The following HMCN2 variants were observed in gnomAD, a reference collection of about 807,000 sequenced individuals.
HMCN2 encodes hemicentin 2.
HMCN2 carries 325 observed loss-of-function variants against 377.5 expected under a neutral mutation model. The observed-to-expected ratio is 0.86, with a 90% CI of 0.79 to 0.94. The LOEUF is 0.94. HMCN2 is among the 40% of genes least tolerant of loss of function. The pLI, the probability that HMCN2 is intolerant of heterozygous loss-of-function variation, is 0.00. For missense variants in HMCN2, 4,543 were observed against 4,725.3 expected (o/e 0.96, Z 1.13); for synonymous variants, 2,007 against 2,046.8 (o/e 0.98, Z 0.53).
chr9:130,292,589 T>G (rs1935344), intron 4 of HMCN2, among the ~76,000 whole-genome samples: 54,775 of 152,162 alleles, frequency 0.36, 11,959 homozygotes, highest in African/African-American at 0.63. Context: ...TTTACTGTTT[T>G]GAATTTTGCT....
At position 130,393,266 on chromosome 9, in the gene HMCN2, C is replaced by G; in HGVS notation, c.10191C>G (p.Ser3397Arg). The change falls in exon 67 of 98, where the codon AGC becomes AGG. Residue 3397 changes from serine (S) to arginine (R), a missense_variant. Around this residue, in one of 5 missense-constraint regions of HMCN2, gnomAD observed 1,073 missense variants for 1,319.5 expected, o/e 0.81. Transcript: ENST00000683500. The surrounding 1 kb of genome is among the most constrained non-coding windows in gnomAD (Gnocchi z 5.2). ...DAGIFTCVAA[S>R]PAGVADRNFT... ...GCATCTTCACCTGTGTGGCCGCAAG[C>G]CCAGCTGGCGTGGCGGACAGGAACT... 1.0e-6 allele frequency: 1 copy of G among 988,546 alleles called. No individual in the cohort carries two copies. Among genetic ancestry groups the G allele is most frequent in the Non-Finnish European group, 1.2e-6 (1 of 830,456 alleles). 61.2% of individuals were successfully genotyped at this position (988,546 alleles called of 1,614,324 possible).
intron 4 of HMCN2, among the ~76,000 whole-genome samples, chr9:130,288,187 C>A (rs1207974574): frequency 1.3e-5 from 2 of 152,158 alleles, no homozygotes; most frequent in Admixed American, 1.3e-4. Flanking sequence ...TTGATGGGGG[C>A]CACTCGCCCA....
chr9:130,395,439 C>T, intron 71 of HMCN2, 92 bp downstream of exon 71: 4 of 1,101,076 alleles, frequency 3.6e-6, no homozygotes, highest in Non-Finnish European at 4.7e-6. Context: ...GAGCGGGTGC[C>T]AAGGGCCCGC....
rs183308686 is a variant in HMCN2, at chr9:130,293,043, A to C, written c.613-1812A>C. On this transcript the variant is annotated intron_variant, in intron 4 of 97. Transcript: ENST00000683500. ...ATACCTACCTATCAATTTATCATCTATCTCTATCTGGAGAACTTATACTGA... is the reference window on the plus strand; with the variant it reads ...ATACCTACCTATCAATTTATCATCTCTCTCTATCTGGAGAACTTATACTGA... Among the ~76,000 whole-genome samples the C allele has an allele frequency of 3.1e-3, 468 of 152,036 alleles. 3 individuals carry two copies. Among genetic ancestry groups the C allele is most frequent in the Non-Finnish European group, 4.9e-3 (334 of 68,004 alleles).
chr9:130,418,206 G>A (rs1843793630), intron 85 of HMCN2, among the ~76,000 whole-genome samples: 1 of 152,192 alleles, frequency 6.6e-6, no homozygotes, highest in Non-Finnish European at 1.5e-5. Flanking sequence ...AGACTACCTA[G>A]CCACTAACAA....
chr9:130,274,346 G>A (rs977952762), intron 1 of HMCN2, among the ~76,000 whole-genome samples: 21 of 152,162 alleles, frequency 1.4e-4, no homozygotes, highest in African/African-American at 4.1e-4. Context: ...GTGAGCCACC[G>A]CGCCTGGCCA....
intron 85 of HMCN2, among the ~76,000 whole-genome samples, chr9:130,413,621 AG>A (rs1416963104): frequency 6.6e-6 from 1 of 152,184 alleles, no homozygotes; most frequent in East Asian, 1.9e-4. Flanking sequence ...TTGGGACCTG[AG>A]GAGCAGCATG....
At position 130,321,870 on chromosome 9, in the gene HMCN2, C is replaced by G. The variant is rs1479407248; in HGVS notation, c.2859C>G (p.Tyr953Ter). The G allele has an allele frequency of 1.3e-5, 2 of 151,998 alleles. No homozygotes were observed. Among genetic ancestry groups the G allele is most frequent in the African/African-American group, 4.8e-5 (2 of 41,368 alleles). 9.4% of individuals were successfully genotyped at this position (151,998 alleles called of 1,614,324 possible). The change falls in exon 19 of 98, where the codon TAC (tyrosine) becomes TAG (stop). Residue 953 changes from tyrosine to a stop codon, truncating the protein, a stop_gained. Transcript: ENST00000683500. LOFTEE classifies it high-confidence loss of function. ...DRALQEHAGR[Y>*]SCVATNTAGS... Reference sequence around the variant, plus strand: ...CATTGCAGGAGCACGCGGGGAGGTACAGCTGTGTGGCCACCAACACGGCCG... The same window carrying G: ...CATTGCAGGAGCACGCGGGGAGGTAGAGCTGTGTGGCCACCAACACGGCCG...
At chr9:130,291,555 T>C (rs1261825450) in intron 4 of HMCN2, among the ~76,000 whole-genome samples, 2 of 152,240 alleles carry the variant, frequency 1.3e-5, no homozygotes, top group African/African-American at 4.8e-5. Context: ...AAAAAATTAC[T>C]ATGAAGAATT....
intron 15 of HMCN2, among the ~76,000 whole-genome samples, chr9:130,313,454 C>T (rs1435606803): frequency 1.3e-5 from 2 of 152,248 alleles, no homozygotes; most frequent in African/African-American, 4.8e-5. Flanking sequence ...TGGTATTTGC[C>T]TGCATTATTT....
intron 11 of HMCN2, among the ~76,000 whole-genome samples, chr9:130,305,893 G>T (rs994617354): frequency 6.6e-6 from 1 of 152,294 alleles, no homozygotes; most frequent in East Asian, 1.9e-4. Flanking sequence ...CAGGGCTCCG[G>T]GTTGGGATTG....
chr9:130,355,391 G>T (rs1839972084), intron 32 of HMCN2, among the ~76,000 whole-genome samples: 1 of 152,210 alleles, frequency 6.6e-6, no homozygotes, highest in Admixed American at 6.5e-5. Context: ...AGCAGGGCGG[G>T]TGGGGCCTTC....
At chr9:130,427,925 C>T (rs958747555) in intron 92 of HMCN2, among the ~76,000 whole-genome samples, 1 of 152,222 alleles carries the variant, frequency 6.6e-6, no homozygotes, top group Non-Finnish European at 1.5e-5. Context: ...GCTCTCCCAA[C>T]ACTCAGCATC....
chr9:130,405,114 G>A lies in HMCN2; in HGVS notation c.12339+55G>A, dbSNP rs569002467. ...GGAATAATGGCTGAGACCCCTGTTT[G>A]TCATGCTCTGCGCTGAGCACTATGC... is the stretch of plus-strand genomic sequence containing the variant. On this transcript the variant is annotated intron_variant, in intron 81 of 97. Coordinates refer to ENST00000683500, the MANE Select transcript of HMCN2 (RefSeq NM_001291815.2). The A allele has an allele frequency of 4.6e-5, 54 of 1,184,312 alleles. 1 individual carries two copies. In the South Asian group the frequency reaches 7.2e-4, roughly 16 times the overall value. The allele number at this position is 1,184,312 out of a possible 1,614,324, so 73.4% of individuals were successfully genotyped here. A position where few individuals can be genotyped will look rare whatever the true frequency, so the allele number is the denominator to read the frequency against.
At chr9:130,404,838 C>T (rs948004404) in intron 80 of HMCN2, 31 bp from the exon 81 acceptor site, 9 of 1,200,698 alleles carry the variant, frequency 7.5e-6, no homozygotes, top group African/African-American at 1.6e-5. Flanking sequence ...CCCTGAGCCC[C>T]GGTTCCGAGT....
chr9:130,271,624 A>T (rs1267459931), intron 1 of HMCN2, among the ~76,000 whole-genome samples: 3 of 147,716 alleles, frequency 2.0e-5, no homozygotes, highest in African/African-American at 7.3e-5. Flanking sequence ...CCACATTCCT[A>T]CTTTTTGGCA....
chr9:130,278,010 CATCAT>C (rs1834870203), intron 1 of HMCN2, among the ~76,000 whole-genome samples: 1 of 45,872 alleles, frequency 2.2e-5, no homozygotes, highest in Non-Finnish European at 3.7e-5. Context: ...CCACCACCAT[CATCAT>C]CACCACCACC....
At chr9:130,378,284 AGCTGGGAGGGAGAG>A (rs1841501747) in intron 53 of HMCN2, among the ~76,000 whole-genome samples, 1 of 146,552 alleles carries the variant, frequency 6.8e-6, no homozygotes, top group East Asian at 2.0e-4. Flanking sequence ...GAGTCAGAGA[AGCTGGGAGGGAGAG>A]GCTGGGAGGC....
At position 130,397,750 on chromosome 9, in the gene HMCN2, C is replaced by CAAT. The variant is rs1463760749; in HGVS notation, c.11326+96_11326+98dup. The CAAT allele has an allele frequency of 9.9e-6, 11 of 1,115,362 alleles. No individual in the cohort carries two copies. The African/African-American group carries it at 1.8e-4, about 18-fold the overall frequency. The allele number at this position is 1,115,362 out of a possible 1,614,324, so 69.1% of individuals were successfully genotyped here. A position where few individuals can be genotyped will look rare whatever the true frequency, so the allele number is the denominator to read the frequency against. On this transcript the variant is annotated intron_variant, in intron 74 of 97. Transcript: ENST00000683500. ...CACCCCAGCTGTAGGGGCCAAGAGC[C>CAAT]AATGGTCTTCAAATGTTTTTGACCA...
Sources: allele counts gnomAD v4.1 joint callset (sites outside exome capture counted in the v4.1 genomes callset), GRCh38; gene constraint gnomAD v4.1.1; regional missense constraint gnomAD v4.1.1; non-coding constraint Gnocchi (gnomAD v3.1); transcripts MANE v1.5; gene names NCBI Gene and HGNC (gene_info 2026-07-23, HGNC 2026-07-21).